UTP15: variants seen among roughly 807,000 people sequenced by gnomAD.
The protein encoded by UTP15 is UTP15 small subunit processome component.
UTP15 carries 5 observed loss-of-function variants against 59.1 expected under a neutral mutation model. That is an observed-to-expected ratio of 0.08 (90% confidence interval 0.04 to 0.18). The LOEUF is 0.18. Ranked by LOEUF, UTP15 falls within the 10% of genes least tolerant of loss-of-function variation. The probability of loss-of-function intolerance (pLI) is 1.00; values close to 1 mark genes in which losing one functional copy is unlikely to be tolerated. For synonymous variants in UTP15, 211 were observed against 212.2 expected (o/e 0.99, Z 0.05); for missense variants, 494 against 616.7 (o/e 0.80, Z 2.11).
At chr5:73,574,225 G>A (rs1748023582) in intron 7 of UTP15, among the ~76,000 whole-genome samples, 1 of 151,932 alleles carries the variant, frequency 6.6e-6, no homozygotes, top group African/African-American at 2.4e-5. Flanking sequence ...TAGGGAGGCT[G>A]AGGCAGGAGA....
chr5:73,567,488 T>G, intron 2 of UTP15, 54 bp downstream of exon 2: 3 of 1,312,660 alleles, frequency 2.3e-6, no homozygotes, highest in Non-Finnish European at 3.2e-6. Context: ...CCAATTTCTC[T>G]AGCATATGTT....
At chr5:73,578,075 A>T (rs1031203945) in intron 9 of UTP15, 70 bp downstream of exon 9, 1 of 1,496,420 alleles carries the variant, frequency 6.7e-7, no homozygotes, top group African/African-American at 1.4e-5. Flanking sequence ...ATCCCTGCAC[A>T]TTACTGGAAA....
chr5:73,580,031 A>G lies in UTP15; in HGVS notation c.1494A>G (p.Glu498=). Residue 498 remains glutamate (E), a synonymous_variant, in exon 13 of 13, where the codon GAA becomes GAG. Transcript: ENST00000296792. The part of the protein sequence containing the change: ...DMLFATMRRK[E]GTSVLEHTSD... ...TTTTTGCCACCATGAGAAGGAAGGAAGGCACTTCTGTGTTGGAACACACAT... is the reference window on the plus strand; with the variant it reads ...TTTTTGCCACCATGAGAAGGAAGGAGGGCACTTCTGTGTTGGAACACACAT... 2 of 1,613,926 alleles carry G rather than the reference A, an allele frequency of 1.2e-6. No homozygotes were observed. The highest frequency in any genetic ancestry group is 1.7e-6 in the Non-Finnish European group (2 of 1,179,868).
At position 73,578,195 on chromosome 5, in the gene UTP15, G is replaced by A. The variant is rs1580395468; in HGVS notation, c.1044+190G>A. On this transcript the variant is annotated intron_variant, in intron 9 of 12. Transcript: ENST00000296792. ...TAATGGGGAACAAGGACTACTTTAT[G>A]TAATACTCTGCATCATAACATAATG... is the stretch of plus-strand genomic sequence containing the variant. The A allele has an allele frequency of 2.4e-5, 13 of 544,754 alleles. No homozygotes were observed. The East Asian group carries it at 3.8e-4, about 16-fold the overall frequency. The allele number at this position is 544,754 out of a possible 1,614,324, so 33.7% of individuals were successfully genotyped here. A position where few individuals can be genotyped will look rare whatever the true frequency, so the allele number is the denominator to read the frequency against.
At chr5:73,571,143 AATTTAGCTCTTATGT>A (rs1175161942) in intron 6 of UTP15, among the ~76,000 whole-genome samples, 1 of 150,940 alleles carries the variant, frequency 6.6e-6, no homozygotes, top group Non-Finnish European at 1.5e-5. Flanking sequence ...TAACCCCAGA[AATTTAGCTCTTATGT>A]ATTTAGCCCT....
intron 4 of UTP15, 138 bp downstream of exon 4, chr5:73,568,742 T>A: frequency 2.6e-6 from 2 of 759,642 alleles, no homozygotes; most frequent in South Asian, 5.2e-5. Flanking sequence ...CTGATTGTTC[T>A]AAGAGTGCTT....
Position 73,580,126 on chromosome 5 carries a change from A to C in UTP15, c.*32A>C. 2 of 1,578,188 alleles carry C rather than the reference A, an allele frequency of 1.3e-6. No individual in the cohort carries two copies. The highest frequency in any genetic ancestry group is 1.7e-6 in the Non-Finnish European group (2 of 1,152,870). ...CTAAATAAGACATATAAGAACTCTG[A>C]AGTTGGAATAGATTTGACTGTATTA... is the stretch of plus-strand genomic sequence containing the variant. On this transcript the variant is annotated 3_prime_UTR_variant, in exon 13 of 13. Coordinates refer to ENST00000296792, the MANE Select transcript of UTP15 (RefSeq NM_032175.4).
rs768340082 is a variant in UTP15 at position 73,579,072 on chromosome 5, A to G, written c.1202A>G (p.Asn401Ser). 4 of 1,614,036 alleles carry G rather than the reference A, an allele frequency of 2.5e-6. No homozygotes were observed. The Admixed American group carries it at 6.7e-5, about 27-fold the overall frequency. Residue 401 changes from asparagine to serine, a missense_variant, in exon 11 of 13, where the codon AAT becomes AGT. Coordinates refer to ENST00000296792, the MANE Select transcript of UTP15 (RefSeq NM_032175.4). ...EITVSIIKEL[N>S]RRGVLANALA... is the part of the protein sequence containing the mutation. ...ACGGTGTCCATCATAAAGGAGTTAA[A>G]TCGAAGAGGAGTCCTTGCAAATGCG...
At chr5:73,569,969 A>T (rs977870376) in intron 5 of UTP15, among the ~76,000 whole-genome samples, 4 of 151,786 alleles carry the variant, frequency 2.6e-5, no homozygotes, top group Non-Finnish European at 5.9e-5. Flanking sequence ...AGTAGCTGGG[A>T]CTACAGGTGC....
chr5:73,573,630 G>A (rs1748006893), intron 7 of UTP15, among the ~76,000 whole-genome samples: 1 of 147,286 alleles, frequency 6.8e-6, no homozygotes, highest in African/African-American at 2.5e-5. Context: ...AGGCTGGAGT[G>A]CAGTGGTGGG....
At chr5:73,570,527 A>G in intron 5 of UTP15, 59 bp from the exon 6 acceptor site, 4 of 1,549,724 alleles carry the variant, frequency 2.6e-6, no homozygotes, top group Non-Finnish European at 3.5e-6. Context: ...ATATCTGGAT[A>G]CACACAGTTT....
In UTP15 at chr5:73,568,559, A is replaced by T. The variant is rs1747848308; in HGVS notation, c.323A>T (p.Asp108Val). ...GAAGATGGTGGAGTTCAACTTTTTG[A>T]TATAAGTGGGAGGGCTCCCCTCAGG... ...GSEDGGVQLF[D>V]ISGRAPLRQF... The change falls in exon 4 of 13, where the codon GAT (aspartate) becomes GTT (valine). Residue 108 changes from aspartate to valine, a missense_variant. Coordinates refer to ENST00000296792, the MANE Select transcript of UTP15 (RefSeq NM_032175.4). 6.2e-7 allele frequency: 1 copy of T among 1,614,048 alleles called. No individual in the cohort carries two copies. Among genetic ancestry groups the T allele is most frequent in the Non-Finnish European group, 8.5e-7 (1 of 1,179,966 alleles).
intron 7 of UTP15, among the ~76,000 whole-genome samples, chr5:73,575,077 A>G (rs1220628): frequency 0.84 from 123,645 of 146,474 alleles, 51,458 homozygotes; most frequent in Non-Finnish European, 0.9. Flanking sequence ...TATTGTTTAT[A>G]TATTTATGGA....
In UTP15 at chr5:73,571,477, A is replaced by G. The variant is rs374708805; in HGVS notation, c.673+766A>G. Among the ~76,000 whole-genome samples the G allele has an allele frequency of 6.6e-5, 10 of 152,244 alleles. No individual in the cohort carries two copies. In the South Asian group the frequency reaches 1.2e-3, roughly 19 times the overall value. On this transcript the variant is annotated intron_variant, in intron 6 of 12. Coordinates refer to ENST00000296792, the MANE Select transcript of UTP15 (RefSeq NM_032175.4). ...AGTAAATTGGCTTTTTTCATTTGTA[A>G]ATAAAGTAAAAATGTGTTCATATTA...
rs1359611418 is a variant in UTP15 at position 73,582,739 on chromosome 5, G to C, written c.*2645G>C. The stretch of plus-strand genomic sequence containing the variant: ...TAAACTGTAGTATTTGCTGTTTGAA[G>C]TATTTAAACATAATTGGCATATTAC... On this transcript the variant is annotated 3_prime_UTR_variant, in exon 13 of 13. Transcript: ENST00000296792. 6.6e-6 allele frequency: 1 copy of C among 152,186 alleles called. No homozygotes were observed. 9.4% of individuals were successfully genotyped at this position (152,186 alleles called of 1,614,324 possible).
In UTP15 at chr5:73,579,021, C is replaced by A. The variant is rs755174178; in HGVS notation, c.1151C>A (p.Thr384Asn). Reference sequence around the variant, plus strand: ...TGACTTTGAAAATTTTTCTAGCCCACTTGTACAATAAAGACACCCGAGATT... The same window carrying A: ...TGACTTTGAAAATTTTTCTAGCCCAATTGTACAATAAAGACACCCGAGATT... ...SKALDRVLDP[T>N]CTIKTPEITV... Residue 384 changes from threonine (T) to asparagine (N), a missense_variant, in exon 11 of 13, where the codon ACT (threonine) becomes AAT (asparagine). Physicochemically the swap from Thr to Asn is moderately conservative, Grantham distance 65 (BLOSUM62 0). Coordinates refer to ENST00000296792, the MANE Select transcript of UTP15 (RefSeq NM_032175.4). 6.2e-7 allele frequency: 1 copy of A among 1,609,346 alleles called. No individual in the cohort carries two copies. Among genetic ancestry groups the A allele is most frequent in the East Asian group, 2.2e-5 (1 of 44,852 alleles).
intron 7 of UTP15, among the ~76,000 whole-genome samples, chr5:73,573,496 C>T (rs1003760776): frequency 6.6e-6 from 1 of 152,026 alleles, no homozygotes; most frequent in African/African-American, 2.4e-5. Context: ...GGTCTGCCCA[C>T]CACGCCCTCC....
chr5:73,576,477 C>CTT (rs754301537), intron 7 of UTP15, among the ~76,000 whole-genome samples: 54 of 130,046 alleles, frequency 4.2e-4, no homozygotes, highest in African/African-American at 1.3e-3. Context: ...GTATACAGCT[C>CTT]TTTTTTTTTT....
rs746558668 is a variant in UTP15 at position 73,576,401 on chromosome 5, C to T, written c.810-551C>T. ...GATTACAGACCTGAGCCACCACACC[C>T]GGCCCTTCTATTTTTTTTATAAGTG... is the stretch of plus-strand genomic sequence containing the variant. On this transcript the variant is annotated intron_variant, in intron 7 of 12. Transcript: ENST00000296792. Among the ~76,000 whole-genome samples, 13 of 152,052 alleles carry T rather than the reference C, an allele frequency of 8.5e-5. No individual in the cohort carries two copies. The East Asian group carries it at 9.7e-4, about 11-fold the overall frequency.
Sources: gnomAD v4.1 joint callset for allele counts (sites outside exome capture counted in the v4.1 genomes callset) on GRCh38, gnomAD v4.1.1 for gene constraint, MANE v1.5 for transcripts, NCBI Gene and HGNC (gene_info 2026-07-23, HGNC 2026-07-21) for gene names.